The following PTPRD variants were observed in gnomAD, a reference collection of about 807,000 sequenced individuals.
The protein encoded by PTPRD is protein tyrosine phosphatase receptor type D, also known as receptor-type tyrosine-protein phosphatase delta.
In PTPRD, 34 loss-of-function variants were observed where a neutral mutation model predicts 214.5. The ratio of observed to expected loss-of-function variants is 0.16; its 90% CI spans 0.12 to 0.21. PTPRD has a LOEUF of 0.21. PTPRD is among the 10% of genes least tolerant of loss of function. The pLI is 1.00. For synonymous variants in PTPRD, 1,128 were observed against 845.7 expected, an observed-to-expected ratio of 1.33 and a Z score of -5.79; for missense variants, 2,545 against 2,398.7, an observed-to-expected ratio of 1.06 and a Z score of -1.27.
chr9:8,401,428 G>A (rs1383138655), intron 36 of PTPRD, among the ~76,000 whole-genome samples: 4 of 152,108 alleles, frequency 2.6e-5, no homozygotes, highest in Non-Finnish European at 4.4e-5. Flanking sequence ...CTTAAACATA[G>A]AGGGGATGCC....
intron 7 of PTPRD, among the ~76,000 whole-genome samples, chr9:9,640,700 G>C (rs1460998019): frequency 6.6e-6 from 1 of 152,218 alleles, no homozygotes; most frequent in Non-Finnish European, 1.5e-5. Flanking sequence ...CATCAGAATA[G>C]TGATTGGTCT....
chr9:9,102,676 T>C (rs1028055909), intron 10 of PTPRD, among the ~76,000 whole-genome samples: 16 of 152,342 alleles, frequency 1.1e-4, no homozygotes, highest in African/African-American at 3.8e-4. Context: ...TTTTCTTAAA[T>C]ATACAGACTA....
At chr9:9,553,030 G>A (rs2080695704) in intron 8 of PTPRD, among the ~76,000 whole-genome samples, 1 of 152,016 alleles carries the variant, frequency 6.6e-6, no homozygotes, top group Admixed American at 6.6e-5. Context: ...TATTTACATT[G>A]TGATAGTATA....
At chr9:10,192,045 A>G (rs987029737) in intron 3 of PTPRD, among the ~76,000 whole-genome samples, 3 of 152,192 alleles carry the variant, frequency 2.0e-5, no homozygotes, top group Non-Finnish European at 4.4e-5. Flanking sequence ...AAGATGGATG[A>G]AACAACTAAG....
chr9:8,442,940 T>A (rs1240448127), intron 34 of PTPRD, among the ~76,000 whole-genome samples: 1 of 151,840 alleles, frequency 6.6e-6, no homozygotes. Flanking sequence ...CAGGAGTTTC[T>A]GTCCAGCCTG....
intron 12 of PTPRD, among the ~76,000 whole-genome samples, chr9:8,716,962 T>G (rs576364811): frequency 5.9e-5 from 9 of 152,218 alleles, no homozygotes; most frequent in African/African-American, 2.2e-4. Context: ...GCCCAAGAGT[T>G]CAAGACCAGC....
Position 8,905,746 on chromosome 9 carries a change from A to T in PTPRD, c.-104+112951T>A, listed in dbSNP as rs575493510. 2.6e-5 allele frequency among the ~76,000 whole-genome samples: 4 copies of T among 151,900 alleles called. No individual in the cohort carries two copies. The East Asian group carries it at 7.8e-4, about 30-fold the overall frequency. On this transcript the variant is annotated intron_variant, in intron 11 of 45. Coordinates refer to ENST00000381196, the MANE Select transcript of PTPRD (RefSeq NM_002839.4). Reference sequence around the variant, plus strand: ...AGAGTGAGACTCCCTCGCAAAAAAAAAAAAAAAAATGGAGAGAGAGAAAAG... The same window carrying T: ...AGAGTGAGACTCCCTCGCAAAAAAATAAAAAAAAATGGAGAGAGAGAAAAG...
intron 5 of PTPRD, among the ~76,000 whole-genome samples, chr9:9,864,609 CTTGGGCTCA>C (rs939671440): frequency 5.9e-5 from 9 of 152,144 alleles, no homozygotes; most frequent in African/African-American, 2.2e-4. Flanking sequence ...GCCTCGATCT[CTTGGGCTCA>C]AGTGATCCTC....
intron 11 of PTPRD, among the ~76,000 whole-genome samples, chr9:8,756,081 A>G (rs989288366): frequency 1.3e-5 from 2 of 152,206 alleles, no homozygotes; most frequent in African/African-American, 4.8e-5. Flanking sequence ...AAAGAATCCA[A>G]ATGGGTAGAG....
chr9:9,989,439 G>A (rs996694959), intron 4 of PTPRD, among the ~76,000 whole-genome samples: 2 of 152,150 alleles, frequency 1.3e-5, no homozygotes, highest in Admixed American at 6.5e-5. Context: ...GGATGTTGGA[G>A]AGAAGCAGCC....
At chr9:9,755,754 T>A (rs1266272185) in intron 6 of PTPRD, among the ~76,000 whole-genome samples, 1 of 152,098 alleles carries the variant, frequency 6.6e-6, no homozygotes, top group Non-Finnish European at 1.5e-5. Flanking sequence ...AGCATAGGAA[T>A]TACTGCTCTC....
chr9:9,512,748 G>C (rs1051715121), intron 8 of PTPRD, among the ~76,000 whole-genome samples: 19 of 151,582 alleles, frequency 1.3e-4, no homozygotes, highest in Admixed American at 1.3e-3. Flanking sequence ...TGTGGCCACA[G>C]GGATAATTTG....
chr9:9,722,685 C>A (rs2097981518), intron 7 of PTPRD, among the ~76,000 whole-genome samples: 1 of 152,048 alleles, frequency 6.6e-6, no homozygotes, highest in African/African-American at 2.4e-5. Flanking sequence ...TTCCCACCAG[C>A]AATTGATAAC....
At chr9:8,384,369 A>G (rs1413398030) in intron 37 of PTPRD, among the ~76,000 whole-genome samples, 1 of 152,172 alleles carries the variant, frequency 6.6e-6, no homozygotes, top group East Asian at 1.9e-4. Flanking sequence ...GAACTACGCA[A>G]AACTTGAGAG....
chr9:9,480,510 A>C (rs1051583562), intron 8 of PTPRD, among the ~76,000 whole-genome samples: 2 of 152,166 alleles, frequency 1.3e-5, no homozygotes, highest in African/African-American at 4.8e-5. Flanking sequence ...AATACCAAGA[A>C]AATGGTGAAA....
At chr9:10,566,942 CT>C (rs1226789363) in intron 2 of PTPRD, among the ~76,000 whole-genome samples, 2 of 152,076 alleles carry the variant, frequency 1.3e-5, no homozygotes, top group Non-Finnish European at 2.9e-5. Flanking sequence ...ACATGACTAC[CT>C]CTCACTCAAT....
At chr9:9,057,907 A>G (rs2154398871) in intron 10 of PTPRD, among the ~76,000 whole-genome samples, 1 of 152,324 alleles carries the variant, frequency 6.6e-6, no homozygotes, top group South Asian at 2.1e-4. Context: ...AAGTATAAAT[A>G]TTATATAAAA....
chr9:10,388,645 G>A (rs1407286685), intron 2 of PTPRD, among the ~76,000 whole-genome samples: 1 of 151,842 alleles, frequency 6.6e-6, no homozygotes, highest in African/African-American at 2.4e-5. Flanking sequence ...GGAAGGCAGA[G>A]GCTTTGGACT....
chr9:8,338,446 C>G (rs1849093062), intron 43 of PTPRD, among the ~76,000 whole-genome samples: 1 of 152,078 alleles, frequency 6.6e-6, no homozygotes, highest in Admixed American at 6.6e-5. Flanking sequence ...ATGTGCAAAG[C>G]TTGTCAGATT....
Sources: gnomAD v4.1 joint callset for allele counts (sites outside exome capture counted in the v4.1 genomes callset) on GRCh38, gnomAD v4.1.1 for gene constraint, MANE v1.5 for transcripts, NCBI Gene and HGNC (gene_info 2026-07-23, HGNC 2026-07-21) for gene names.